Variants in TRIM66 observed in about 807,000 individuals in gnomAD.
The protein encoded by TRIM66 is tripartite motif containing 66.
A neutral mutation model predicts 148.2 loss-of-function variants in TRIM66; 99 were observed. The ratio of observed to expected loss-of-function variants is 0.67; its 90% CI spans 0.57 to 0.79. The LOEUF is 0.79. Among genes scored for constraint, TRIM66 ranks in the 30% least tolerant of loss-of-function variants. TRIM66 has a pLI of 0.00. For synonymous variants in TRIM66, 616 were observed against 635.9 expected (o/e 0.97, Z 0.47); for missense variants, 1,666 against 1,697.9 (o/e 0.98, Z 0.33).
Position 8,641,014 on chromosome 11 carries a change from T to C in TRIM66, c.1361A>G (p.Lys454Arg). 1 of 1,551,500 alleles carries C rather than the reference T, an allele frequency of 6.4e-7. No individual in the cohort carries two copies. The highest frequency in any genetic ancestry group is 8.7e-7 in the Non-Finnish European group (1 of 1,146,942). Reference sequence around the variant, plus strand: ...GGAGCACACTGCTGGAGACTGGAACTTGTGTGAGGGGTGGCTAAGAGCCTC... The same window carrying C: ...GGAGCACACTGCTGGAGACTGGAACCTGTGTGAGGGGTGGCTAAGAGCCTC... Reference protein sequence around the residue: ...QQEALSHPSHKFQSPAVCSSS... With the variant: ...QQEALSHPSHRFQSPAVCSSS... The change falls in exon 14 of 25, where the codon AAG becomes AGG. Residue 454 changes from lysine (K) to arginine (R), a missense_variant. This residue lies in a region of TRIM66 where 1,431 missense variants were observed against 1,412.4 expected (regional missense o/e 1.01). Coordinates refer to ENST00000646038, the MANE Select transcript of TRIM66 (RefSeq NM_001388022.1).
At chr11:8,652,640 T>C (rs2037458155) in intron 6 of TRIM66, among the ~76,000 whole-genome samples, 1 of 152,110 alleles carries the variant, frequency 6.6e-6, no homozygotes, top group Non-Finnish European at 1.5e-5. Flanking sequence ...AGCAGAAGAC[T>C]CCCACCCTGG....
chr11:8,657,940 G>A (rs183168418), intron 6 of TRIM66, among the ~76,000 whole-genome samples: 2 of 152,372 alleles, frequency 1.3e-5, no homozygotes, highest in Admixed American at 1.3e-4. Context: ...CACTGGGAGA[G>A]AAGTCAGAGA....
At position 8,619,476 on chromosome 11, in the gene TRIM66, C is replaced by T. The variant is rs879659209; in HGVS notation, c.3807G>A (p.Lys1269=). Residue 1269 remains lysine, a synonymous_variant, in exon 23 of 25, where the codon AAG becomes AAA. Coordinates refer to ENST00000646038, the MANE Select transcript of TRIM66 (RefSeq NM_001388022.1). ...AGTGAGCTGGGTCCTTCTTTTGCAG[C>T]TTCCTCCGGATGATTGACAGGTCCA... is the stretch of plus-strand genomic sequence containing the variant. The part of the protein sequence containing the change: ...RPMDLSIIRR[K]LQKKDPAHYT... The T allele has an allele frequency of 3.2e-6, 5 of 1,551,392 alleles. No homozygotes were observed. The East Asian group carries it at 1.2e-4, about 38-fold the overall frequency.
rs774287584 is a variant in TRIM66, at chr11:8,624,669, A to G, written c.2826+44T>C. The G allele has an allele frequency of 1.2e-5, 18 of 1,478,306 alleles. No individual in the cohort carries two copies. In the African/African-American group the frequency reaches 1.6e-4, roughly 13 times the overall value. The allele number at this position is 1,478,306 out of a possible 1,614,324, so 91.6% of individuals were successfully genotyped here. A position where few individuals can be genotyped will look rare whatever the true frequency, so the allele number is the denominator to read the frequency against. ...GTCCCAGTGGCCAATCTTTTGCCCA[A>G]TGATGAACAAAGGAAGTTTGGATAG... On this transcript the variant is annotated intron_variant, in intron 16 of 24. Coordinates refer to ENST00000646038, the MANE Select transcript of TRIM66 (RefSeq NM_001388022.1).
chr11:8,672,419 G>C, intron 4 of TRIM66, 34 bp from the exon 5 acceptor site: 1 of 1,478,742 alleles, frequency 6.8e-7, no homozygotes, highest in Middle Eastern at 1.8e-4. Flanking sequence ...GAAGAAAATT[G>C]CATTATTGAC....
intron 3 of TRIM66, among the ~76,000 whole-genome samples, chr11:8,677,565 G>A (rs1399990180): frequency 6.6e-6 from 1 of 151,656 alleles, no homozygotes; most frequent in Admixed American, 6.6e-5. Flanking sequence ...GGCTGCTTGA[G>A]GCTAGCAGTT....
chr11:8,640,970 G>A lies in TRIM66; in HGVS notation c.1405C>T (p.His469Tyr), dbSNP rs1177783525. The change falls in exon 14 of 25, where the codon CAC becomes TAC. Residue 469 changes from histidine (H) to tyrosine (Y), a missense_variant. Physicochemically the swap from His to Tyr is moderately conservative, Grantham distance 83. Coordinates refer to ENST00000646038, the MANE Select transcript of TRIM66 (RefSeq NM_001388022.1). ...AGGGAAGGCGAGACTGGGGAGCAGT[G>A]GGAGCAGCACACAGATGAGGAGCAC... is the stretch of plus-strand genomic sequence containing the variant. The part of the protein sequence containing the change: ...AVCSSSVCCS[H>Y]CSPVSPSLKG... 9.7e-6 allele frequency: 15 copies of A among 1,551,234 alleles called. No individual in the cohort carries two copies. The highest frequency in any genetic ancestry group is 2.7e-5 in the African/African-American group (2 of 73,128).
At chr11:8,619,966 AG>A in intron 22 of TRIM66, 83 bp downstream of exon 22, 1 of 1,206,110 alleles carries the variant, frequency 8.3e-7, no homozygotes, top group East Asian at 2.6e-5. Context: ...CTAGAAAAAC[AG>A]GGGTTAGGGG....
In TRIM66 at chr11:8,672,036, TG is replaced by T. The variant is rs1356837693; in HGVS notation, c.89del (p.Pro30GlnfsTer13). The T allele has an allele frequency of 3.0e-5, 46 of 1,535,768 alleles. No homozygotes were observed. Among genetic ancestry groups the T allele is most frequent in the Admixed American group, 1.8e-4 (9 of 50,988 alleles). On this transcript the variant is annotated frameshift_variant, in exon 6 of 25. Coordinates refer to ENST00000646038, the MANE Select transcript of TRIM66 (RefSeq NM_001388022.1). LOFTEE classifies it high-confidence loss of function. ...FSPEDISGKA[P>X]VLGTGMAVDM... is the part of the protein sequence containing the mutation. Reference sequence around the variant, plus strand: ...CCACAGCCATGCCTGTGCCCAGGACTGGGGCTTTTCCACTGATATCCTCAGG... The same window carrying T: ...CCACAGCCATGCCTGTGCCCAGGACTGGGCTTTTCCACTGATATCCTCAGG...
At chr11:8,646,583 C>A in intron 10 of TRIM66, 22 bp from the exon 11 acceptor site, 1 of 1,531,326 alleles carries the variant, frequency 6.5e-7, no homozygotes, top group Non-Finnish European at 8.9e-7. Flanking sequence ...ATGGGACAAA[C>A]CATGGTAAGC....
At chr11:8,682,800 T>C (rs766061739), upstream of TRIM66, 37 of 1,613,424 alleles carry the variant, frequency 2.3e-5, no homozygotes, top group Non-Finnish European at 3.1e-5. Context: ...TCCTTTTTCG[T>C]CTGGGCTGCC....
chr11:8,629,103 G>A (rs1299191566), intron 15 of TRIM66, among the ~76,000 whole-genome samples: 2 of 152,210 alleles, frequency 1.3e-5, no homozygotes, highest in African/African-American at 4.8e-5. Context: ...AGCTAGGAAT[G>A]AAGCCCAGCT....
chr11:8,672,619 C>CTTT (rs11293374), intron 4 of TRIM66, among the ~76,000 whole-genome samples: 2 of 113,300 alleles, frequency 1.8e-5, no homozygotes, highest in Admixed American at 9.2e-5. Context: ...ACTCCAGTCT[C>CTTT]TTTTTTTTTT....
rs2033780654 is a variant in TRIM66, at chr11:8,617,282, T to C, written c.*662A>G. 2 of 152,626 alleles carry C rather than the reference T, an allele frequency of 1.3e-5. No individual in the cohort carries two copies. 9.5% of individuals were successfully genotyped at this position (152,626 alleles called of 1,614,324 possible). ...CAGCTCAGTCAAGAATGTCACACCA[T>C]CCACAGCATTTTCACAGCAGCCACC... On this transcript the variant is annotated 3_prime_UTR_variant, in exon 25 of 25. Transcript: ENST00000646038.
chr11:8,655,577 G>A (rs573763477), intron 6 of TRIM66, among the ~76,000 whole-genome samples: 1 of 152,238 alleles, frequency 6.6e-6, no homozygotes, highest in East Asian at 1.9e-4. Context: ...GAGGTCAGGA[G>A]TTCGAGACCA....
intron 14 of TRIM66, among the ~76,000 whole-genome samples, chr11:8,639,520 A>G (rs989699282): frequency 7.2e-5 from 11 of 152,214 alleles, no homozygotes; most frequent in Non-Finnish European, 1.6e-4. Flanking sequence ...CTGTGGAAAG[A>G]AGACTTCTGT....
At chr11:8,636,400 TTC>T (rs1465391337) in intron 15 of TRIM66, among the ~76,000 whole-genome samples, 1 of 152,218 alleles carries the variant, frequency 6.6e-6, no homozygotes, top group Non-Finnish European at 1.5e-5. Context: ...TCATGCTTGC[TTC>T]TGAACTACTG....
Position 8,620,130 on chromosome 11 carries a change from A to G in TRIM66, c.3673-6T>C. 6.4e-7 allele frequency: 1 copy of G among 1,551,620 alleles called. No individual in the cohort carries two copies. The highest frequency in any genetic ancestry group is 8.7e-7 in the Non-Finnish European group (1 of 1,146,902). ...AATACCAGCTTCTCACACTTCTGCA[A>G]AATCAGAATTGGCAACAGAGTCACT... On this transcript the variant is annotated splice_region_variant and splice_polypyrimidine_tract_variant and intron_variant, in intron 21 of 24. Transcript: ENST00000646038.
chr11:8,635,626 A>G (rs148373861), intron 15 of TRIM66, among the ~76,000 whole-genome samples: 161 of 152,324 alleles, frequency 1.1e-3, no homozygotes, highest in African/African-American at 3.7e-3. Flanking sequence ...CAAGCCATCA[A>G]AAGCCTATGA....
Sources: allele counts gnomAD v4.1 joint callset (sites outside exome capture counted in the v4.1 genomes callset), GRCh38; gene constraint gnomAD v4.1.1; regional missense constraint gnomAD v4.1.1; transcripts MANE v1.5; gene names NCBI Gene and HGNC (gene_info 2026-07-23, HGNC 2026-07-21).